Variants in UHRF2 observed in about 807,000 individuals in gnomAD.
UHRF2 encodes the protein E3 ubiquitin-protein ligase UHRF2.
In UHRF2, 23 loss-of-function variants were observed where a neutral mutation model predicts 96.8. The ratio of observed to expected loss-of-function variants is 0.24; its 90% CI spans 0.17 to 0.34. The LOEUF (loss-of-function observed/expected upper bound fraction) is 0.34, where lower values mean the gene tolerates loss of function less well. UHRF2 is among the 10% of genes least tolerant of loss of function. UHRF2 has a pLI of 1.00. For missense variants in UHRF2, 685 were observed against 981.5 expected, an observed-to-expected ratio of 0.70 and a Z score of 4.04; for synonymous variants, 385 against 332.6, an observed-to-expected ratio of 1.16 and a Z score of -1.72.
intron 14 of UHRF2, among the ~76,000 whole-genome samples, chr9:6,503,186 G>C (rs536779386): frequency 2.9e-4 from 44 of 152,116 alleles, no homozygotes; most frequent in African/African-American, 8.9e-4. Context: ...TTCTAGAGAC[G>C]GTTTTGGCCA....
chr9:6,436,199 G>C (rs575500136), intron 3 of UHRF2, among the ~76,000 whole-genome samples: 1 of 152,140 alleles, frequency 6.6e-6, no homozygotes, highest in South Asian at 2.1e-4. Flanking sequence ...CAACACTTCA[G>C]TATTCAGATT....
At chr9:6,495,487 C>A in intron 10 of UHRF2, 1 of 152,338 alleles carries the variant, frequency 6.6e-6, no homozygotes. Flanking sequence ...ATAGTATACT[C>A]TTTGCCCAGT....
chr9:6,502,374 A>G (rs1318840808), intron 14 of UHRF2, among the ~76,000 whole-genome samples: 2 of 152,140 alleles, frequency 1.3e-5, no homozygotes, highest in East Asian at 3.9e-4. Context: ...TCACTCTTTC[A>G]TATCCTTTAA....
intron 2 of UHRF2, among the ~76,000 whole-genome samples, chr9:6,433,502 G>A (rs1172668678): frequency 6.6e-6 from 1 of 152,100 alleles, no homozygotes; most frequent in Non-Finnish European, 1.5e-5. Flanking sequence ...TGGTTGGACT[G>A]TGTAAGTTAT....
At chr9:6,483,975 C>T (rs1824091256) in intron 8 of UHRF2, among the ~76,000 whole-genome samples, 1 of 152,196 alleles carries the variant, frequency 6.6e-6, no homozygotes, top group Non-Finnish European at 1.5e-5. Flanking sequence ...AGGCGTGAGC[C>T]ACTGCACCCG....
intron 4 of UHRF2, among the ~76,000 whole-genome samples, chr9:6,470,288 G>C (rs1421792477): frequency 6.6e-6 from 1 of 151,642 alleles, no homozygotes; most frequent in African/African-American, 2.4e-5. Flanking sequence ...CAGGAGAACT[G>C]CTTGATCCTG....
chr9:6,497,429 AACT>A (rs1825031088), intron 11 of UHRF2, 69 bp downstream of exon 11: 1 of 1,561,540 alleles, frequency 6.4e-7, no homozygotes, highest in Admixed American at 1.8e-5. Flanking sequence ...TGTTGCAAGG[AACT>A]ACTGTGGGTG....
intron 7 of UHRF2, 24 bp from the exon 8 acceptor site, chr9:6,481,968 C>G: frequency 1.2e-6 from 2 of 1,605,236 alleles, no homozygotes; most frequent in Non-Finnish European, 1.7e-6. Context: ...ACTGATTTCT[C>G]AACGTTTGTT....
intron 14 of UHRF2, among the ~76,000 whole-genome samples, chr9:6,503,423 G>A (rs1271991850): frequency 6.6e-6 from 1 of 151,034 alleles, no homozygotes; most frequent in Non-Finnish European, 1.5e-5. Context: ...AAAAAAACCA[G>A]CCAAGATGAA....
intron 9 of UHRF2, among the ~76,000 whole-genome samples, chr9:6,491,705 G>A (rs1824669510): frequency 6.6e-6 from 1 of 152,274 alleles, no homozygotes; most frequent in African/African-American, 2.4e-5. Flanking sequence ...AAGAATAGAG[G>A]TTGGGAATAA....
intron 9 of UHRF2, among the ~76,000 whole-genome samples, chr9:6,491,455 A>G (rs1371456663): frequency 3.9e-5 from 6 of 152,322 alleles, no homozygotes; most frequent in Middle Eastern, 3.4e-3. Context: ...GCAGGGATGT[A>G]AAGGGTGTTA....
chr9:6,461,731 G>A (rs1822555676), intron 4 of UHRF2, among the ~76,000 whole-genome samples: 2 of 151,998 alleles, frequency 1.3e-5, no homozygotes, highest in South Asian at 2.1e-4. Flanking sequence ...TAAAGTACTA[G>A]GCGTTATTTG....
intron 9 of UHRF2, among the ~76,000 whole-genome samples, chr9:6,490,453 C>G (rs531983632): frequency 4.6e-5 from 7 of 152,134 alleles, no homozygotes; most frequent in Non-Finnish European, 5.9e-5. Context: ...CATGATGAAA[C>G]TCCGTCTCTA....
At chr9:6,488,156 T>C (rs1824421366) in intron 9 of UHRF2, among the ~76,000 whole-genome samples, 1 of 150,400 alleles carries the variant, frequency 6.6e-6, no homozygotes, top group African/African-American at 2.4e-5. Flanking sequence ...GGCAGGAGGA[T>C]TGCTTGAGCT....
intron 3 of UHRF2, among the ~76,000 whole-genome samples, chr9:6,448,553 C>G (rs1331502963): frequency 6.6e-6 from 1 of 152,156 alleles, no homozygotes; most frequent in Non-Finnish European, 1.5e-5. Context: ...TAATGCCAGA[C>G]TGTCCTAAGG....
At position 6,460,655 on chromosome 9, in the gene UHRF2, A is replaced by C; in HGVS notation, c.727A>C (p.Asn243His). 1.9e-6 allele frequency: 3 copies of C among 1,613,752 alleles called. No individual in the cohort carries two copies. Among genetic ancestry groups the C allele is most frequent in the Non-Finnish European group, 1.7e-6 (2 of 1,179,968 alleles). ...ARTILKWNELNVGDVVMVNYN... is the reference protein window; with the variant it reads ...ARTILKWNELHVGDVVMVNYN... ...AACCATTTTGAAATGGAATGAACTA[A>C]ATGTTGGTGATGTGGTAATGGTTAA... The change falls in exon 4 of 16, where the codon AAT (asparagine) becomes CAT (histidine). Residue 243 changes from asparagine (N) to histidine (H), a missense_variant. Coordinates refer to ENST00000276893, the MANE Select transcript of UHRF2 (RefSeq NM_152896.3).
intron 12 of UHRF2, chr9:6,498,931 T>C (rs1249179013): frequency 6.6e-6 from 1 of 152,198 alleles, no homozygotes; most frequent in East Asian, 1.9e-4. Context: ...GGCAGGTGAG[T>C]GTGTGTCTTC....
At chr9:6,506,001 G>A (rs41281767) in intron 15 of UHRF2, 32 bp from the exon 16 acceptor site, 3 of 1,613,022 alleles carry the variant, frequency 1.9e-6, no homozygotes, top group East Asian at 4.5e-5. Flanking sequence ...TTTATGCTCA[G>A]ATTAAATTGG....
chr9:6,416,887 C>G (rs1032558139), intron 1 of UHRF2, among the ~76,000 whole-genome samples: 1 of 152,170 alleles, frequency 6.6e-6, no homozygotes, highest in Non-Finnish European at 1.5e-5. Context: ...GTCATTCTTT[C>G]ACTCCTTACC....
Sources: allele counts gnomAD v4.1 joint callset (sites outside exome capture counted in the v4.1 genomes callset), GRCh38; gene constraint gnomAD v4.1.1; transcripts MANE v1.5; gene names NCBI Gene and HGNC (gene_info 2026-07-23, HGNC 2026-07-21).